The following LRP1B variants were observed in gnomAD, a reference collection of about 807,000 sequenced individuals.
LRP1B encodes the protein low-density lipoprotein receptor-related protein 1B.
In LRP1B, 217 loss-of-function variants were observed where a neutral mutation model predicts 556.6. The ratio of observed to expected loss-of-function variants is 0.39; its 90% CI spans 0.35 to 0.44. The LOEUF is 0.44. LRP1B is among the 20% of genes least tolerant of loss of function. The pLI, the probability that LRP1B is intolerant of heterozygous loss-of-function variation, is 1.00. For synonymous variants in LRP1B, 2,047 were observed against 1,865.8 expected, an observed-to-expected ratio of 1.10 and a Z score of -2.50; for missense variants, 5,053 against 5,620.8, an observed-to-expected ratio of 0.90 and a Z score of 3.23.
chr2:140,536,701 A>C lies in LRP1B; in HGVS notation c.7522T>G (p.Ser2508Ala), dbSNP rs758137157. 1.9e-6 allele frequency: 3 copies of C among 1,589,278 alleles called. No homozygotes were observed. In the South Asian group the frequency reaches 3.5e-5, roughly 19 times the overall value. The stretch of plus-strand genomic sequence containing the variant: ...AACTCCGAATAAGCGTTGCAGGAGG[A>C]ATTTTTAGCTGCAAGAAAAAAAAAA... ...LEDNRCVTKNSSCNAYSEFEC... is the reference protein window; with the variant it reads ...LEDNRCVTKNASCNAYSEFEC... Residue 2508 changes from serine to alanine, a missense_variant, in exon 46 of 91, where the codon TCC (serine) becomes GCC (alanine). Physicochemically the swap from Ser to Ala is moderately conservative, Grantham distance 99. Around this residue, in one of 5 missense-constraint regions of LRP1B, gnomAD observed 3,619 missense variants for 3,931.9 expected, o/e 0.92. Transcript: ENST00000389484.
chr2:141,960,343 C>T (rs59223289), intron 1 of LRP1B, among the ~76,000 whole-genome samples: 5,238 of 151,882 alleles, frequency 0.034, 289 homozygotes, highest in African/African-American at 0.12. Flanking sequence ...TGATAGTAAT[C>T]ATTGATAGGG....
chr2:141,579,774 A>G (rs952034539), intron 2 of LRP1B, among the ~76,000 whole-genome samples: 1 of 120,798 alleles, frequency 8.3e-6, no homozygotes, highest in Non-Finnish European at 1.6e-5. Context: ...ATCTCGGCTC[A>G]CTGAAAGCTC....
At chr2:140,749,376 A>AT (rs70988430) in intron 35 of LRP1B, among the ~76,000 whole-genome samples, 226 of 149,910 alleles carry the variant, frequency 1.5e-3, no homozygotes, top group Middle Eastern at 3.5e-3. Context: ...ACTTTTAAAC[A>AT]TTTTTTTTTT....
chr2:141,867,862 A>C (rs1698463353), intron 1 of LRP1B, among the ~76,000 whole-genome samples: 1 of 152,156 alleles, frequency 6.6e-6, no homozygotes, highest in Non-Finnish European at 1.5e-5. Context: ...AGGGGGAATA[A>C]GTTATACAAA....
intron 41 of LRP1B, among the ~76,000 whole-genome samples, chr2:140,614,131 G>A (rs1240129369): frequency 6.6e-6 from 1 of 152,034 alleles, no homozygotes; most frequent in Non-Finnish European, 1.5e-5. Flanking sequence ...GAGCTCTCTT[G>A]TTCAGGCCCC....
chr2:140,444,280 A>C (rs373015811), intron 65 of LRP1B, 50 bp downstream of exon 65: 1 of 1,604,394 alleles, frequency 6.2e-7, no homozygotes, highest in Non-Finnish European at 8.5e-7. Context: ...TTTTAGACTT[A>C]TTTTAGGAGT....
At chr2:141,315,312 T>G (rs1344425149) in intron 3 of LRP1B, among the ~76,000 whole-genome samples, 3 of 123,828 alleles carry the variant, frequency 2.4e-5, no homozygotes, top group Non-Finnish European at 3.1e-5. Flanking sequence ...CAGGGTGGAG[T>G]GCAGTGGCGC....
rs115948106 is a variant in LRP1B at position 140,717,898 on chromosome 2, G to A, written c.5759-1082C>T. Among the ~76,000 whole-genome samples, 559 of 152,156 alleles carry A rather than the reference G, an allele frequency of 3.7e-3. 2 individuals carry two copies. Among genetic ancestry groups the A allele is most frequent in the African/African-American group, 0.013 (542 of 41,532 alleles). Reference sequence around the variant, plus strand: ...AATCCCTGTTCTCAGCAATGGTTAAGTCAGACACACAATTGTTTGCAGCAG... The same window carrying A: ...AATCCCTGTTCTCAGCAATGGTTAAATCAGACACACAATTGTTTGCAGCAG... On this transcript the variant is annotated intron_variant, in intron 35 of 90. Transcript: ENST00000389484.
At chr2:140,939,949 A>C (rs1052486745) in intron 20 of LRP1B, among the ~76,000 whole-genome samples, 5 of 144,752 alleles carry the variant, frequency 3.5e-5, no homozygotes, top group Non-Finnish European at 7.4e-5. Context: ...GCAGTGGTGC[A>C]ATTTCAGTTC....
intron 35 of LRP1B, among the ~76,000 whole-genome samples, chr2:140,753,867 T>C (rs1199107081): frequency 6.6e-6 from 1 of 152,130 alleles, no homozygotes; most frequent in Non-Finnish European, 1.5e-5. Context: ...TTCTGTTGAA[T>C]ACAGAAAGAG....
At chr2:140,712,307 T>C (rs181755722) in intron 37 of LRP1B, among the ~76,000 whole-genome samples, 1 of 152,050 alleles carries the variant, frequency 6.6e-6, no homozygotes, top group African/African-American at 2.4e-5. Context: ...ATGTTCAAAA[T>C]TAAATATTTG....
intron 2 of LRP1B, among the ~76,000 whole-genome samples, chr2:141,615,343 T>TTG (rs1484446712): frequency 5.3e-5 from 8 of 152,212 alleles, no homozygotes; most frequent in African/African-American, 1.9e-4. Context: ...ATATTCATCA[T>TTG]TTATTGTATA....
At position 140,530,736 on chromosome 2, in the gene LRP1B, G is replaced by A. The variant is rs151179646; in HGVS notation, c.7762+3285C>T. On this transcript the variant is annotated intron_variant, in intron 47 of 90. Transcript: ENST00000389484. ...TAGTTTCAAATGTCCTGCATTCAGC[G>A]TGACCAGCTTTAAGGCATAAGTTTT... Among the ~76,000 whole-genome samples, 519 of 152,182 alleles carry A rather than the reference G, an allele frequency of 3.4e-3. 3 individuals carry two copies. Among genetic ancestry groups the A allele is most frequent in the Non-Finnish European group, 5.1e-3 (350 of 67,994 alleles).
chr2:141,615,333 A>G (rs865824353), intron 2 of LRP1B, among the ~76,000 whole-genome samples: 10 of 152,308 alleles, frequency 6.6e-5, no homozygotes, highest in Middle Eastern at 3.4e-3. Context: ...TTAATACATG[A>G]TATTCATCAT....
intron 1 of LRP1B, among the ~76,000 whole-genome samples, chr2:142,110,453 C>T (rs963484919): frequency 6.6e-5 from 10 of 152,164 alleles, no homozygotes; most frequent in Admixed American, 5.9e-4. Flanking sequence ...CCTCACAGGA[C>T]ACGCAGCAAG....
chr2:140,529,953 AAAT>A (rs1364730107), intron 47 of LRP1B, among the ~76,000 whole-genome samples: 3 of 152,100 alleles, frequency 2.0e-5, no homozygotes, highest in African/African-American at 7.2e-5. Flanking sequence ...AAATTAAAAA[AAAT>A]GATGAAGATT....
intron 1 of LRP1B, among the ~76,000 whole-genome samples, chr2:141,962,931 T>C (rs1701443374): frequency 6.6e-6 from 1 of 151,850 alleles, no homozygotes; most frequent in Non-Finnish European, 1.5e-5. Flanking sequence ...TTTCAGGACC[T>C]GGAATAGCAT....
chr2:141,818,528 TATC>T (rs1161075623), intron 1 of LRP1B, among the ~76,000 whole-genome samples: 1 of 127,916 alleles, frequency 7.8e-6, no homozygotes, highest in Non-Finnish European at 1.6e-5. Context: ...AACATTTCTG[TATC>T]TTTTTTTTTT....
chr2:141,371,439 C>A (rs1689227799), intron 3 of LRP1B, among the ~76,000 whole-genome samples: 1 of 152,118 alleles, frequency 6.6e-6, no homozygotes, highest in Non-Finnish European at 1.5e-5. Flanking sequence ...ATAAAGATTA[C>A]ATTGAACCTG....
Sources: allele counts gnomAD v4.1 joint callset (sites outside exome capture counted in the v4.1 genomes callset), GRCh38; gene constraint gnomAD v4.1.1; regional missense constraint gnomAD v4.1.1; transcripts MANE v1.5; gene names NCBI Gene and HGNC (gene_info 2026-07-23, HGNC 2026-07-21).